SCCPDH: variants seen among roughly 807,000 people sequenced by gnomAD.
SCCPDH encodes the protein saccharopine dehydrogenase-like oxidoreductase.
SCCPDH carries 34 observed loss-of-function variants against 51.5 expected under a neutral mutation model. That is an observed-to-expected ratio of 0.66 (90% confidence interval 0.50 to 0.88). The LOEUF is 0.88. Among genes scored for constraint, SCCPDH ranks in the 40% least tolerant of loss-of-function variants. The probability of loss-of-function intolerance (pLI) is 0.00; values close to 1 mark genes in which losing one functional copy is unlikely to be tolerated. For synonymous variants in SCCPDH, 187 were observed against 191.3 expected, an observed-to-expected ratio of 0.98 and a Z score of 0.19; for missense variants, 464 against 527.1, an observed-to-expected ratio of 0.88 and a Z score of 1.17.
At chr1:246,730,006 A>G (rs371663474) in intron 2 of SCCPDH, among the ~76,000 whole-genome samples, 51 of 152,270 alleles carry the variant, frequency 3.3e-4, no homozygotes, top group African/African-American at 1.2e-3. Flanking sequence ...GGATTATTTC[A>G]ATCAGCATTT....
intron 5 of SCCPDH, among the ~76,000 whole-genome samples, chr1:246,750,105 T>C (rs1258928208): frequency 6.6e-6 from 1 of 152,188 alleles, no homozygotes; most frequent in Non-Finnish European, 1.5e-5. Flanking sequence ...CCATCCTCTT[T>C]CTGCTGTTCG....
intron 2 of SCCPDH, among the ~76,000 whole-genome samples, chr1:246,730,062 A>G (rs1668469406): frequency 1.3e-5 from 2 of 152,128 alleles, no homozygotes; most frequent in Non-Finnish European, 2.9e-5. Context: ...GCTTGATTCC[A>G]CATACCCTTC....
Position 246,766,928 on chromosome 1 carries a change from C to T in SCCPDH, c.1185-267C>T, listed in dbSNP as rs528746011. 8.5e-5 allele frequency among the ~76,000 whole-genome samples: 13 copies of T among 152,274 alleles called. No homozygotes were observed. In the South Asian group the frequency reaches 2.5e-3, roughly 29 times the overall value. ...AGCGGTTCTTCGGGGTGATGGCGCA[C>T]AGTGCACCCACCAAACACATGCATA... On this transcript the variant is annotated intron_variant, in intron 11 of 11. Transcript: ENST00000366510.
chr1:246,744,319 TTTA>T (rs1668724757), intron 5 of SCCPDH, among the ~76,000 whole-genome samples, 194 bp downstream of exon 5: 1 of 151,826 alleles, frequency 6.6e-6, no homozygotes, highest in Non-Finnish European at 1.5e-5. Flanking sequence ...TTTTATTTTA[TTTA>T]TTTATTTATT....
At position 246,759,099 on chromosome 1, in the gene SCCPDH, C is replaced by T; in HGVS notation, c.761C>T (p.Ser254Phe). ...ATTCCTTTTATGGGATCTGATGTGT[C>T]TGTTGTAAGGAGGACTCAACGTTAC... ...YSIPFMGSDV[S>F]VVRRTQRYLY... Residue 254 changes from serine (S) to phenylalanine (F), a missense_variant, in exon 7 of 12, where the codon TCT becomes TTT. Physicochemically the swap from Ser to Phe is radical, Grantham distance 155 (BLOSUM62 -2). Coordinates refer to ENST00000366510, the MANE Select transcript of SCCPDH (RefSeq NM_016002.3). 1 of 1,611,978 alleles carries T rather than the reference C, an allele frequency of 6.2e-7. No individual in the cohort carries two copies. The highest frequency in any genetic ancestry group is 8.5e-7 in the Non-Finnish European group (1 of 1,178,058).
At chr1:246,762,250 A>G (rs919592669) in intron 9 of SCCPDH, among the ~76,000 whole-genome samples, 9 of 152,356 alleles carry the variant, frequency 5.9e-5, no homozygotes, top group African/African-American at 9.6e-5. Flanking sequence ...CTAGAACTCA[A>G]TAACAAAAAA....
Position 246,741,228 on chromosome 1 carries a change from A to G in SCCPDH, c.514+927A>G, listed in dbSNP as rs375640289. ...AAAAGTTAGCATAACTATGAAACCA[A>G]AGTCCAACAAAGATAGCACACACAC... On this transcript the variant is annotated intron_variant, in intron 4 of 11. Coordinates refer to ENST00000366510, the MANE Select transcript of SCCPDH (RefSeq NM_016002.3). Among the ~76,000 whole-genome samples, 7 of 152,220 alleles carry G rather than the reference A, an allele frequency of 4.6e-5. 1 individual carries two copies. Among genetic ancestry groups the G allele is most frequent in the Non-Finnish European group, 8.8e-5 (6 of 68,028 alleles).
intron 5 of SCCPDH, among the ~76,000 whole-genome samples, chr1:246,745,510 G>C (rs538683607): frequency 6.6e-6 from 1 of 152,286 alleles, no homozygotes; most frequent in South Asian, 2.1e-4. Context: ...TCTAAGAATG[G>C]CGAATACATC....
At position 246,760,309 on chromosome 1, in the gene SCCPDH, A is replaced by G. The variant is rs1449940080; in HGVS notation, c.990+82A>G. On this transcript the variant is annotated intron_variant, in intron 9 of 11. Transcript: ENST00000366510. ...ATCATCTAACACTTGACAGGGCACTATGTTTCAGATACTCTTTTAAGTTCT... is the reference window on the plus strand; with the variant it reads ...ATCATCTAACACTTGACAGGGCACTGTGTTTCAGATACTCTTTTAAGTTCT... The G allele has an allele frequency of 4.3e-5, 49 of 1,137,798 alleles. No individual in the cohort carries two copies. In the East Asian group the frequency reaches 7.9e-4, roughly 18 times the overall value. 70.5% of individuals were successfully genotyped at this position (1,137,798 alleles called of 1,614,324 possible).
intron 5 of SCCPDH, among the ~76,000 whole-genome samples, chr1:246,753,601 T>C (rs1438190630): frequency 6.6e-6 from 1 of 152,038 alleles, no homozygotes; most frequent in Non-Finnish European, 1.5e-5. Context: ...AGGGGCTGCA[T>C]TGTTATTGTC....
intron 2 of SCCPDH, among the ~76,000 whole-genome samples, chr1:246,733,149 C>T (rs1477743040): frequency 6.6e-6 from 1 of 151,926 alleles, no homozygotes; most frequent in Non-Finnish European, 1.5e-5. Context: ...TAGAGTGGCA[C>T]GAACACAGCT....
At chr1:246,762,315 G>A (rs1440019633) in intron 9 of SCCPDH, among the ~76,000 whole-genome samples, 1 of 152,134 alleles carries the variant, frequency 6.6e-6, no homozygotes, top group Non-Finnish European at 1.5e-5. Context: ...GTTATTCTTT[G>A]GGTTGCCGTT....
chr1:246,744,350 C>A (rs1668725585), intron 5 of SCCPDH, among the ~76,000 whole-genome samples: 1 of 151,924 alleles, frequency 6.6e-6, no homozygotes, highest in African/African-American at 2.4e-5. Flanking sequence ...TGGAGTTACG[C>A]TCTTGTCGCC....
rs1396704966 is a variant in SCCPDH at position 246,760,070 on chromosome 1, C to T, written c.927C>T (p.Leu309=). Residue 309 remains leucine (L), a synonymous_variant, in exon 8 of 12, where the codon CTC becomes CTT. Transcript: ENST00000366510. ...FVRFGIGRQL[L]IKFPWFFSFG... is the part of the protein sequence containing the mutation. ...GGTTTGGAATTGGAAGGCAACTTCTCATAAAAGTAAGTAAGATTTTATGAA... is the reference window on the plus strand; with the variant it reads ...GGTTTGGAATTGGAAGGCAACTTCTTATAAAAGTAAGTAAGATTTTATGAA... 1.9e-6 allele frequency: 3 copies of T among 1,610,296 alleles called. No individual in the cohort carries two copies. Among genetic ancestry groups the T allele is most frequent in the East Asian group, 4.5e-5 (2 of 44,828 alleles).
chr1:246,749,043 C>CTTA (rs1668811895), intron 5 of SCCPDH, among the ~76,000 whole-genome samples: 1 of 152,168 alleles, frequency 6.6e-6, no homozygotes, highest in Non-Finnish European at 1.5e-5. Context: ...GGCTGGAGGC[C>CTTA]ACATGGCCCT....
In SCCPDH at chr1:246,767,370, C is replaced by T; in HGVS notation, c.*70C>T. Reference sequence around the variant, plus strand: ...GCTTCTCTATTTGATATTTGAAATTCTTCTGTAAGCCTGTCTGAGTGTATG... The same window carrying T: ...GCTTCTCTATTTGATATTTGAAATTTTTCTGTAAGCCTGTCTGAGTGTATG... On this transcript the variant is annotated 3_prime_UTR_variant, in exon 12 of 12. Transcript: ENST00000366510. 1.2e-6 allele frequency: 1 copy of T among 858,806 alleles called. No individual in the cohort carries two copies. Among genetic ancestry groups the T allele is most frequent in the Non-Finnish European group, 1.7e-6 (1 of 577,508 alleles). 53.2% of individuals were successfully genotyped at this position (858,806 alleles called of 1,614,324 possible).
intron 5 of SCCPDH, among the ~76,000 whole-genome samples, chr1:246,752,773 AT>A (rs1234101513): frequency 1.3e-5 from 2 of 152,120 alleles, no homozygotes; most frequent in African/African-American, 4.8e-5. Flanking sequence ...CGTAAGCCAA[AT>A]TTTAGTACTA....
At chr1:246,738,015 G>A (rs534886997) in intron 3 of SCCPDH, among the ~76,000 whole-genome samples, 1 of 152,274 alleles carries the variant, frequency 6.6e-6, no homozygotes, top group South Asian at 2.1e-4. Flanking sequence ...GGCCAACATG[G>A]CGAAACCCCA....
At chr1:246,747,253 A>C (rs190204525) in intron 5 of SCCPDH, among the ~76,000 whole-genome samples, 2 of 152,310 alleles carry the variant, frequency 1.3e-5, no homozygotes, top group Admixed American at 6.5e-5. Flanking sequence ...ATAAAGGTTC[A>C]TGATTTCTTG....
Sources: allele counts gnomAD v4.1 joint callset (sites outside exome capture counted in the v4.1 genomes callset), GRCh38; gene constraint gnomAD v4.1.1; transcripts MANE v1.5; gene names NCBI Gene and HGNC (gene_info 2026-07-23, HGNC 2026-07-21).